The following KCNIP4 variants were observed in gnomAD, a reference collection of about 807,000 sequenced individuals.
KCNIP4 encodes Kv channel-interacting protein 4.
Under a neutral mutation model 34.0 loss-of-function variants are expected in KCNIP4, and 12 were observed. The observed-to-expected ratio is 0.35, with a 90% CI of 0.23 to 0.57. The LOEUF (loss-of-function observed/expected upper bound fraction) is 0.57. Ranked by LOEUF, KCNIP4 falls within the 20% of genes least tolerant of loss-of-function variation. KCNIP4 has a pLI of 0.83. For synonymous variants in KCNIP4, 124 were observed against 102.2 expected, an observed-to-expected ratio of 1.21 and a Z score of -1.29; for missense variants, 238 against 311.7, an observed-to-expected ratio of 0.76 and a Z score of 1.78.
chr4:20,734,796 AC>A (rs1749191399), intron 5 of KCNIP4, 61 bp from the exon 6 acceptor site: 5 of 1,012,802 alleles, frequency 4.9e-6, no homozygotes, highest in Admixed American at 2.3e-5. Flanking sequence ...AACAAAAAAA[AC>A]AAATGATGTA....
intron 1 of KCNIP4, among the ~76,000 whole-genome samples, chr4:21,854,401 T>C (rs1724619485): frequency 6.6e-6 from 1 of 152,222 alleles, no homozygotes; most frequent in African/African-American, 2.4e-5. Flanking sequence ...CACATATTAA[T>C]TGCAGAGCAG....
intron 1 of KCNIP4, among the ~76,000 whole-genome samples, chr4:21,533,851 C>T (rs1483813916): frequency 1.3e-5 from 2 of 152,128 alleles, no homozygotes; most frequent in Admixed American, 6.6e-5. Context: ...CAATCAAGTG[C>T]TGTGAATAGC....
At position 21,380,361 on chromosome 4, in the gene KCNIP4, T is replaced by C. The variant is rs549572433; in HGVS notation, c.62-497652A>G. On this transcript the variant is annotated intron_variant, in intron 1 of 8. Transcript: ENST00000382152. ...CAACAACTGGAAAAAAATACAATTTTCCTGTCTTTTACCCATAGGTTGTGA... is the reference window on the plus strand; with the variant it reads ...CAACAACTGGAAAAAAATACAATTTCCCTGTCTTTTACCCATAGGTTGTGA... Among the ~76,000 whole-genome samples, 12 of 151,398 alleles carry C rather than the reference T, an allele frequency of 7.9e-5. No homozygotes were observed. The East Asian group carries it at 2.2e-3, about 27-fold the overall frequency.
intron 1 of KCNIP4, among the ~76,000 whole-genome samples, chr4:21,627,377 C>T (rs181572116): frequency 8.5e-5 from 13 of 152,168 alleles, no homozygotes; most frequent in African/African-American, 2.2e-4. Flanking sequence ...ATCTGTCTTT[C>T]CCATGCACAC....
At chr4:20,944,648 G>A (rs2149626468) in intron 1 of KCNIP4, among the ~76,000 whole-genome samples, 1 of 152,298 alleles carries the variant, frequency 6.6e-6, no homozygotes, top group South Asian at 2.1e-4. Context: ...GGTTTGCCTG[G>A]CAGCTTGCCC....
chr4:21,256,089 T>C (rs1453684906), intron 1 of KCNIP4, among the ~76,000 whole-genome samples: 1 of 152,118 alleles, frequency 6.6e-6, no homozygotes, highest in African/African-American at 2.4e-5. Context: ...TACAGAGTTG[T>C]AGCAGTGAGA....
chr4:20,882,239 C>T (rs997322896), intron 2 of KCNIP4, among the ~76,000 whole-genome samples: 1 of 152,010 alleles, frequency 6.6e-6, no homozygotes, highest in Non-Finnish European at 1.5e-5. Context: ...GGATTATAGA[C>T]CCAGTGGATG....
chr4:21,779,618 A>T (rs1014456774), intron 1 of KCNIP4, among the ~76,000 whole-genome samples: 2 of 152,128 alleles, frequency 1.3e-5, no homozygotes, highest in Non-Finnish European at 2.9e-5. Flanking sequence ...AATATACAAA[A>T]ATGGAACCAG....
chr4:21,124,383 C>T (rs536988026), intron 1 of KCNIP4, among the ~76,000 whole-genome samples: 1 of 152,302 alleles, frequency 6.6e-6, no homozygotes, highest in South Asian at 2.1e-4. Context: ...AAAAGTGCCT[C>T]TCTGCTAAAC....
chr4:20,912,077 A>G (rs1383325461), intron 1 of KCNIP4, among the ~76,000 whole-genome samples: 7 of 152,116 alleles, frequency 4.6e-5, no homozygotes, highest in Non-Finnish European at 1.5e-5. Flanking sequence ...TACTTCCCCA[A>G]AGTAAGGCCT....
intron 2 of KCNIP4, among the ~76,000 whole-genome samples, chr4:20,853,063 G>C (rs1056289689): frequency 3.9e-5 from 6 of 152,066 alleles, no homozygotes; most frequent in African/African-American, 1.4e-4. Flanking sequence ...ACTGCCAAAA[G>C]CAATCTACAA....
intron 1 of KCNIP4, among the ~76,000 whole-genome samples, chr4:20,919,908 C>T (rs1729225975): frequency 6.6e-6 from 1 of 151,982 alleles, no homozygotes; most frequent in African/African-American, 2.4e-5. Context: ...AACACATAAC[C>T]CTACATTGGT....
chr4:21,460,096 GC>G (rs869086679), intron 1 of KCNIP4, among the ~76,000 whole-genome samples: 3 of 116,542 alleles, frequency 2.6e-5, no homozygotes, highest in Non-Finnish European at 2.2e-5. Context: ...TGCAAAATCT[GC>G]CCCCCGCCCC....
intron 1 of KCNIP4, among the ~76,000 whole-genome samples, chr4:21,342,432 T>TA (rs1716849563): frequency 1.3e-5 from 2 of 152,248 alleles, no homozygotes; most frequent in South Asian, 4.2e-4. Context: ...AAAAACTCAT[T>TA]AATAAACATT....
intron 3 of KCNIP4, among the ~76,000 whole-genome samples, chr4:20,813,654 C>A (rs188434453): frequency 2.6e-5 from 4 of 152,022 alleles, no homozygotes; most frequent in Non-Finnish European, 5.9e-5. Flanking sequence ...CAGGGGGGCA[C>A]TAAAGAAGCT....
chr4:21,039,051 C>G (rs191963794), intron 1 of KCNIP4, among the ~76,000 whole-genome samples: 1 of 152,210 alleles, frequency 6.6e-6, no homozygotes, highest in Non-Finnish European at 1.5e-5. Context: ...CGTGGGATAG[C>G]TATATCCTTG....
intron 1 of KCNIP4, among the ~76,000 whole-genome samples, chr4:21,059,081 A>G (rs28648733): frequency 0.022 from 3,414 of 152,194 alleles, 119 homozygotes; most frequent in African/African-American, 0.077. Flanking sequence ...ATCTTCCAGC[A>G]TGATTGTGAG....
intron 1 of KCNIP4, among the ~76,000 whole-genome samples, chr4:21,493,985 A>T (rs2109867935): frequency 6.6e-6 from 1 of 152,334 alleles, no homozygotes; most frequent in South Asian, 2.1e-4. Flanking sequence ...AATATTTATT[A>T]TGAGCTCTGT....
At chr4:21,761,374 T>C (rs1287261006) in intron 1 of KCNIP4, among the ~76,000 whole-genome samples, 1 of 152,112 alleles carries the variant, frequency 6.6e-6, no homozygotes, top group African/African-American at 2.4e-5. Context: ...GATGAAGAAA[T>C]TCAAATAATC....
Sources: gnomAD v4.1 joint callset for allele counts (sites outside exome capture counted in the v4.1 genomes callset) on GRCh38, gnomAD v4.1.1 for gene constraint, MANE v1.5 for transcripts, NCBI Gene and HGNC (gene_info 2026-07-23, HGNC 2026-07-21) for gene names.